The following CCDC171 variants were observed in gnomAD, a reference collection of about 807,000 sequenced individuals.
CCDC171 encodes coiled-coil domain containing 171, also known as coiled-coil domain-containing protein 171.
In CCDC171, 177 loss-of-function variants were observed where a neutral mutation model predicts 168.2. The ratio of observed to expected loss-of-function variants is 1.05; its 90% CI spans 0.93 to 1.19. The LOEUF is 1.19. Among genes scored for constraint, CCDC171 ranks in the 50% most tolerant of loss-of-function variants. The pLI, the probability that CCDC171 is intolerant of heterozygous loss-of-function variation, is 0.00. For synonymous variants in CCDC171, 687 were observed against 540.8 expected (o/e 1.27, Z -3.75); for missense variants, 1,991 against 1,539.0 (o/e 1.29, Z -4.91).
chr9:15,822,911 A>G (rs1169818984), intron 21 of CCDC171, among the ~76,000 whole-genome samples: 5 of 152,290 alleles, frequency 3.3e-5, no homozygotes, highest in East Asian at 1.9e-4. Flanking sequence ...CACTATTCAC[A>G]ATAGCAAAGA....
At chr9:15,949,369 G>A (rs1481817354) in intron 25 of CCDC171, among the ~76,000 whole-genome samples, 2 of 152,136 alleles carry the variant, frequency 1.3e-5, no homozygotes, top group African/African-American at 4.8e-5. Context: ...AAAGTCATTA[G>A]TAGCTTGATG....
chr9:15,922,880 T>C (rs1234099538), intron 25 of CCDC171, among the ~76,000 whole-genome samples: 1 of 151,638 alleles, frequency 6.6e-6, no homozygotes, highest in East Asian at 1.9e-4. Flanking sequence ...GAAATGTCTA[T>C]TTAGGTCTTT....
chr9:15,820,306 C>A (rs1270129599), intron 21 of CCDC171, among the ~76,000 whole-genome samples: 1 of 115,928 alleles, frequency 8.6e-6, no homozygotes, highest in African/African-American at 3.3e-5. Flanking sequence ...CAAACACATT[C>A]AAAAGCTAGC....
At chr9:15,783,385 T>C (rs1035320061) in intron 20 of CCDC171, among the ~76,000 whole-genome samples, 2 of 152,210 alleles carry the variant, frequency 1.3e-5, no homozygotes, top group Non-Finnish European at 2.9e-5. Context: ...AGGATTTTTT[T>C]CACTGCTTTT....
In CCDC171 at chr9:15,806,886, C is replaced by T. The variant is rs572813071; in HGVS notation, c.3267+22192C>T. ...GTAATTTGTAGATTTTGCTTCTTTA[C>T]GTAATCCCATGTTTCTCAGAGGCTT... On this transcript the variant is annotated intron_variant, in intron 21 of 25. Transcript: ENST00000380701. 3.0e-4 allele frequency among the ~76,000 whole-genome samples: 46 copies of T among 152,270 alleles called. No individual in the cohort carries two copies. The South Asian group carries it at 3.9e-3, about 13-fold the overall frequency.
chr9:15,645,724 C>T (rs555591104), intron 7 of CCDC171, among the ~76,000 whole-genome samples: 11 of 152,244 alleles, frequency 7.2e-5, no homozygotes, highest in East Asian at 1.9e-4. Flanking sequence ...ACGAACGGAA[C>T]GTCCAAGAAA....
At position 15,815,334 on chromosome 9, in the gene CCDC171, G is replaced by A. The variant is rs2059526536; in HGVS notation, c.3267+30640G>A. Among the ~76,000 whole-genome samples the A allele has an allele frequency of 4.1e-5, 2 of 48,782 alleles. 1 individual carries two copies. Among genetic ancestry groups the A allele is most frequent in the Non-Finnish European group, 1.0e-4 (2 of 19,504 alleles). The allele number at this position is 48,782 out of a possible 152,430, so 32.0% of individuals were successfully genotyped here. On this transcript the variant is annotated intron_variant, in intron 21 of 25. Coordinates refer to ENST00000380701, the MANE Select transcript of CCDC171 (RefSeq NM_173550.4). ...GCTTTATTGTTCTCCATTCTCAAAA[G>A]TTAATTACATTTAGACCATGCATGG...
intron 9 of CCDC171, among the ~76,000 whole-genome samples, chr9:15,670,448 A>G (rs2049032640): frequency 6.6e-6 from 1 of 152,076 alleles, no homozygotes. Context: ...ATTGCTCTCT[A>G]CTATCAGTTT....
At chr9:15,908,546 C>A (rs1282192970) in intron 24 of CCDC171, among the ~76,000 whole-genome samples, 2 of 151,996 alleles carry the variant, frequency 1.3e-5, no homozygotes, top group Non-Finnish European at 2.9e-5. Context: ...TGGAGATATA[C>A]CTAATGTTAA....
intron 21 of CCDC171, among the ~76,000 whole-genome samples, chr9:15,831,269 G>A (rs1267032486): frequency 6.6e-6 from 1 of 151,908 alleles, no homozygotes; most frequent in East Asian, 1.9e-4. Context: ...ACCATACCCG[G>A]CCCTTAATTT....
the CCDC171 span, among the ~76,000 whole-genome samples, chr9:16,090,342 C>T: frequency 6.6e-6 from 1 of 152,064 alleles, no homozygotes; most frequent in East Asian, 1.9e-4. Context: ...TGCATGTTCT[C>T]ACTCATAAGT....
intron 11 of CCDC171, among the ~76,000 whole-genome samples, chr9:15,707,721 A>G (rs1404599395): frequency 6.6e-6 from 1 of 152,258 alleles, no homozygotes; most frequent in Non-Finnish European, 1.5e-5. Context: ...CGTGAATTTT[A>G]AATGACGGAA....
intron 3 of CCDC171, among the ~76,000 whole-genome samples, chr9:16,007,397 A>T (rs1589319407): frequency 6.6e-6 from 1 of 152,164 alleles, no homozygotes; most frequent in Admixed American, 6.5e-5. Flanking sequence ...GTTCACTCTG[A>T]TGGTAGTTTC....
the CCDC171 span, among the ~76,000 whole-genome samples, chr9:16,073,041 A>AT: frequency 5.9e-5 from 9 of 152,296 alleles, no homozygotes; most frequent in South Asian, 1.9e-3. Flanking sequence ...CCTGTGCATT[A>AT]TTTTTTAGTC....
At chr9:16,067,520 G>T in the CCDC171 span, among the ~76,000 whole-genome samples, 1 of 152,136 alleles carries the variant, frequency 6.6e-6, no homozygotes, top group Non-Finnish European at 1.5e-5. Context: ...TGGTGTTTTA[G>T]ACATGAAGTC....
At chr9:15,914,872 C>T (rs1824273619) in intron 24 of CCDC171, among the ~76,000 whole-genome samples, 1 of 152,094 alleles carries the variant, frequency 6.6e-6, no homozygotes, top group African/African-American at 2.4e-5. Context: ...CGTCAGGGTC[C>T]CTCATGGCTT....
Position 15,822,421 on chromosome 9 carries a change from T to C in CCDC171, c.3268-24281T>C, listed in dbSNP as rs533481128. ...AACCTACAGAATGGGAGAAAATTTT[T>C]GCAACCTACTCATCTGACAAAGGGC... On this transcript the variant is annotated intron_variant, in intron 21 of 25. Transcript: ENST00000380701. Among the ~76,000 whole-genome samples, 18 of 151,816 alleles carry C rather than the reference T, an allele frequency of 1.2e-4. No homozygotes were observed. The East Asian group carries it at 1.5e-3, about 13-fold the overall frequency.
chr9:15,769,258 A>G (rs7019323), intron 18 of CCDC171, among the ~76,000 whole-genome samples: 67,842 of 152,018 alleles, frequency 0.45, 15,467 homozygotes, highest in Non-Finnish European at 0.49. Context: ...TGACTGAAGT[A>G]GTCCAGGGAT....
At position 15,784,619 on chromosome 9, in the gene CCDC171, G is replaced by A. The variant is rs777358628; in HGVS notation, c.3192G>A (p.Gln1064=). Residue 1064 remains glutamine (Q), a synonymous_variant, in exon 21 of 26, where the codon CAG becomes CAA. Coordinates refer to ENST00000380701, the MANE Select transcript of CCDC171 (RefSeq NM_173550.4). ...MLLNEQAQQL[Q]ELNYKLELHS... ...TGAATGAACAGGCACAACAACTACAGGAATTGAATTATAAACTTGAATTGC... is the reference window on the plus strand; with the variant it reads ...TGAATGAACAGGCACAACAACTACAAGAATTGAATTATAAACTTGAATTGC... 51 of 1,613,254 alleles carry A rather than the reference G, an allele frequency of 3.2e-5. No homozygotes were observed. The highest frequency in any genetic ancestry group is 1.3e-5 in the African/African-American group (1 of 74,878).
Sources: gnomAD v4.1 joint callset for allele counts (sites outside exome capture counted in the v4.1 genomes callset) on GRCh38, gnomAD v4.1.1 for gene constraint, MANE v1.5 for transcripts, NCBI Gene and HGNC (gene_info 2026-07-23, HGNC 2026-07-21) for gene names.